VPS35L: variants seen among roughly 807,000 people sequenced by gnomAD.
The protein encoded by VPS35L is VPS35 endosomal protein sorting factor like.
In VPS35L, 83 loss-of-function variants were observed where a neutral mutation model predicts 133.0. The ratio of observed to expected loss-of-function variants is 0.62; its 90% CI spans 0.52 to 0.75. The LOEUF (loss-of-function observed/expected upper bound fraction) is 0.75. VPS35L is among the 30% of genes least tolerant of loss of function. The pLI is 0.00. For missense variants in VPS35L, 1,083 were observed against 1,206.8 expected (o/e 0.90, Z 1.52); for synonymous variants, 423 against 449.9 (o/e 0.94, Z 0.76).
chr16:19,572,474 C>T (rs114171062), intron 3 of VPS35L, among the ~76,000 whole-genome samples: 2,728 of 152,192 alleles, frequency 0.018, 92 homozygotes, highest in African/African-American at 0.063. Context: ...CCAAATTGTC[C>T]TCCAAAAAGA....
At chr16:19,593,686 G>C (rs533789229) in intron 8 of VPS35L, among the ~76,000 whole-genome samples, 13 of 152,264 alleles carry the variant, frequency 8.5e-5, no homozygotes, top group East Asian at 7.7e-4. Flanking sequence ...GGAGGCCGAG[G>C]TGGGTGGATC....
chr16:19,624,976 A>T (rs995404805), intron 14 of VPS35L, among the ~76,000 whole-genome samples: 1 of 151,964 alleles, frequency 6.6e-6, no homozygotes, highest in South Asian at 2.1e-4. Context: ...GCCCTAAATG[A>T]TCCTTCTTCC....
chr16:19,655,570 A>G (rs575115731), intron 26 of VPS35L, among the ~76,000 whole-genome samples: 40 of 152,308 alleles, frequency 2.6e-4, no homozygotes, highest in African/African-American at 7.9e-4. Context: ...CATCCCGACA[A>G]GTAAACTCCT....
rs1975683190 is a variant in VPS35L at position 19,691,474 on chromosome 16, G to C, written c.2646+3G>C. The C allele has an allele frequency of 6.2e-6, 10 of 1,609,804 alleles. No individual in the cohort carries two copies. The East Asian group carries it at 6.7e-5, about 11-fold the overall frequency. On this transcript the variant is annotated splice_donor_region_variant and intron_variant, in intron 29 of 30. Transcript: ENST00000417362. ...TGAAAACCCTGGCCAAGGACGAGGT[G>C]GGTGCCCTCTGCTGTCCTCCACCCG...
chr16:19,656,263 CAAA>C (rs34467290), intron 26 of VPS35L, among the ~76,000 whole-genome samples: 10,693 of 80,992 alleles, frequency 0.13, 505 homozygotes, highest in East Asian at 0.25. Context: ...GACTCTGTCT[CAAA>C]AAAAAAAAAA....
chr16:19,629,603 C>A (rs1033664106), intron 17 of VPS35L, among the ~76,000 whole-genome samples, 164 bp from the exon 18 acceptor site: 1 of 152,094 alleles, frequency 6.6e-6, no homozygotes, highest in Non-Finnish European at 1.5e-5. Flanking sequence ...TTGAAAATAT[C>A]GTTAGTAGGA....
chr16:19,562,638 A>C (rs1462175515), intron 1 of VPS35L, among the ~76,000 whole-genome samples: 1 of 152,208 alleles, frequency 6.6e-6, no homozygotes, highest in Non-Finnish European at 1.5e-5. Flanking sequence ...AAAGATTTTA[A>C]ACCATAACCT....
chr16:19,601,550 C>A (rs1972383900), intron 8 of VPS35L, 114 bp from the exon 9 acceptor site: 1 of 1,015,302 alleles, frequency 9.8e-7, no homozygotes, highest in Non-Finnish European at 1.4e-6. Context: ...CATACCATCA[C>A]AAGTTAAAGC....
At chr16:19,586,226 T>G (rs1971859054) in intron 7 of VPS35L, among the ~76,000 whole-genome samples, 1 of 152,168 alleles carries the variant, frequency 6.6e-6, no homozygotes, top group East Asian at 1.9e-4. Flanking sequence ...TATATATTTT[T>G]GACACTATTT....
chr16:19,592,670 T>C (rs1456882860), intron 8 of VPS35L, among the ~76,000 whole-genome samples: 2 of 151,986 alleles, frequency 1.3e-5, no homozygotes, highest in African/African-American at 4.8e-5. Context: ...GTCTATTTTT[T>C]TCTTTCTTCA....
chr16:19,683,807 G>T (rs1477325465), intron 28 of VPS35L, among the ~76,000 whole-genome samples: 3 of 152,182 alleles, frequency 2.0e-5, no homozygotes, highest in African/African-American at 7.2e-5. Context: ...TTTCCTTTGG[G>T]TATATACCCA....
chr16:19,608,635 A>G (rs749740940), intron 10 of VPS35L: 50 of 393,946 alleles, frequency 1.3e-4, no homozygotes, highest in Non-Finnish European at 2.0e-4. Flanking sequence ...ACTATTGAAG[A>G]ACAGATAATT....
At chr16:19,671,592 C>T (rs1974875740) in intron 27 of VPS35L, among the ~76,000 whole-genome samples, 1 of 151,792 alleles carries the variant, frequency 6.6e-6, no homozygotes, top group Non-Finnish European at 1.5e-5. Flanking sequence ...GCCTGGCCAA[C>T]ATGGTAAAAC....
intron 26 of VPS35L, among the ~76,000 whole-genome samples, chr16:19,668,179 C>G (rs530074964): frequency 7.2e-5 from 11 of 152,296 alleles, no homozygotes; most frequent in Admixed American, 2.0e-4. Context: ...ATTCAGGATG[C>G]TGTTCACCCC....
intron 27 of VPS35L, among the ~76,000 whole-genome samples, chr16:19,674,371 CTT>C (rs1974989995): frequency 6.7e-6 from 1 of 149,436 alleles, no homozygotes; most frequent in African/African-American, 2.5e-5. Context: ...TTTTTTTTGT[CTT>C]TTAGTAGAGA....
intron 8 of VPS35L, among the ~76,000 whole-genome samples, chr16:19,594,674 A>G (rs145960847): frequency 1.4e-5 from 2 of 142,814 alleles, no homozygotes; most frequent in Non-Finnish European, 3.1e-5. Flanking sequence ...AAAAAAAAGA[A>G]GAGAAAAAAA....
Position 19,608,271 on chromosome 16 carries a change from G to T in VPS35L, c.878G>T (p.Arg293Ile), listed in dbSNP as rs2151544907. Reference protein sequence around the residue: ...KIASIRELIPRFYVEASILKC... With the variant: ...KIASIRELIPIFYVEASILKC... ...GCCTCCATCAGGGAACTCATTCCAA[G>T]ATTGTATCCTTTTTTTTTTTTTTGG... The change falls in exon 10 of 31, where the codon AGA becomes ATA. Residue 293 changes from arginine (R) to isoleucine (I), a missense_variant. Coordinates refer to ENST00000417362, the MANE Select transcript of VPS35L (RefSeq NM_020314.7). 2 of 1,543,176 alleles carry T rather than the reference G, an allele frequency of 1.3e-6. No homozygotes were observed. The highest frequency in any genetic ancestry group is 1.5e-5 in the African/African-American group (1 of 64,808).
chr16:19,681,423 C>G (rs1975274546), intron 27 of VPS35L, among the ~76,000 whole-genome samples: 2 of 152,174 alleles, frequency 1.3e-5, no homozygotes, highest in Non-Finnish European at 2.9e-5. Context: ...GTGCTGTTCT[C>G]CCCACCTTAA....
At chr16:19,604,207 C>T (rs553660503) in intron 9 of VPS35L, among the ~76,000 whole-genome samples, 3 of 150,468 alleles carry the variant, frequency 2.0e-5, no homozygotes, top group Non-Finnish European at 3.0e-5. Context: ...TTGTTATATA[C>T]CCAACCTCTT....
Sources: gnomAD v4.1 joint callset for allele counts (sites outside exome capture counted in the v4.1 genomes callset) on GRCh38, gnomAD v4.1.1 for gene constraint, MANE v1.5 for transcripts, NCBI Gene and HGNC (gene_info 2026-07-23, HGNC 2026-07-21) for gene names.